Variants in CRPPA observed in about 807,000 individuals in gnomAD.
The protein encoded by CRPPA is CDP-L-ribitol pyrophosphorylase A, also known as D-ribitol-5-phosphate cytidylyltransferase.
Under a neutral mutation model 52.0 loss-of-function variants are expected in CRPPA, and 43 were observed. The observed-to-expected ratio is 0.83, with a 90% CI of 0.65 to 1.07. CRPPA has a LOEUF of 1.07. Ranked by LOEUF, CRPPA falls within the 50% of genes least tolerant of loss-of-function variation. CRPPA has a pLI of 0.00. For synonymous variants in CRPPA, 250 were observed against 203.5 expected, an observed-to-expected ratio of 1.23 and a Z score of -1.94; for missense variants, 629 against 551.7, an observed-to-expected ratio of 1.14 and a Z score of -1.40.
chr7:16,323,546 A>G (rs1409085177), intron 3 of CRPPA, among the ~76,000 whole-genome samples: 1 of 152,220 alleles, frequency 6.6e-6, no homozygotes, highest in Non-Finnish European at 1.5e-5. Context: ...AAGCAGAGCC[A>G]TCCTGCCAAG....
At chr7:16,143,490 G>T (rs988223752) in intron 9 of CRPPA, among the ~76,000 whole-genome samples, 1 of 152,156 alleles carries the variant, frequency 6.6e-6, no homozygotes, top group African/African-American at 2.4e-5. Context: ...CCTGGAATGA[G>T]GTACCAACAA....
intron 1 of CRPPA, among the ~76,000 whole-genome samples, chr7:16,418,449 A>G (rs929383833): frequency 6.6e-6 from 1 of 152,226 alleles, no homozygotes; most frequent in African/African-American, 2.4e-5. Context: ...TCACACTGCT[A>G]TAAAGAACTG....
intron 9 of CRPPA, among the ~76,000 whole-genome samples, chr7:16,202,279 A>G (rs1781877885): frequency 6.6e-6 from 1 of 152,168 alleles, no homozygotes; most frequent in Non-Finnish European, 1.5e-5. Flanking sequence ...AAAAACATAA[A>G]TAATTTAACC....
chr7:16,098,755 A>T (rs910459560), intron 9 of CRPPA, among the ~76,000 whole-genome samples: 4 of 152,194 alleles, frequency 2.6e-5, no homozygotes, highest in Non-Finnish European at 5.9e-5. Context: ...ATGGAAGAAA[A>T]AACCTAACGG....
intron 3 of CRPPA, among the ~76,000 whole-genome samples, chr7:16,361,146 C>A (rs973476777): frequency 6.6e-6 from 1 of 152,088 alleles, no homozygotes; most frequent in Non-Finnish European, 1.5e-5. Context: ...AAATGCAAAT[C>A]AAAACCACAA....
At chr7:16,279,674 C>T (rs999250905) in intron 5 of CRPPA, among the ~76,000 whole-genome samples, 2 of 152,116 alleles carry the variant, frequency 1.3e-5, no homozygotes, top group Non-Finnish European at 2.9e-5. Flanking sequence ...TAGGAGCTCA[C>T]TCTTGAAAGG....
At chr7:16,310,303 T>C (rs2128425107) in intron 3 of CRPPA, among the ~76,000 whole-genome samples, 1 of 151,978 alleles carries the variant, frequency 6.6e-6, no homozygotes, top group Admixed American at 6.5e-5. Context: ...CTAAGGACAC[T>C]TATCAGAGAT....
At chr7:16,316,728 G>A (rs561623507) in intron 3 of CRPPA, among the ~76,000 whole-genome samples, 2 of 152,096 alleles carry the variant, frequency 1.3e-5, no homozygotes, top group East Asian at 1.9e-4. Context: ...GTTGGGGTGC[G>A]TTCCTGTAGT....
chr7:16,154,741 A>G (rs923042413), intron 9 of CRPPA, among the ~76,000 whole-genome samples: 2 of 151,662 alleles, frequency 1.3e-5, no homozygotes, highest in East Asian at 3.9e-4. Flanking sequence ...TTTAAATACT[A>G]TTAATTTTAT....
At chr7:16,356,302 A>G (rs1786293113) in intron 3 of CRPPA, among the ~76,000 whole-genome samples, 1 of 152,174 alleles carries the variant, frequency 6.6e-6, no homozygotes, top group Admixed American at 6.5e-5. Flanking sequence ...GTAAAATACC[A>G]CAACTCAGAA....
chr7:16,396,373 C>G (rs1787568288), intron 2 of CRPPA, among the ~76,000 whole-genome samples: 1 of 152,084 alleles, frequency 6.6e-6, no homozygotes. Context: ...TATGGTAACA[C>G]CTTACTCCTG....
chr7:16,380,373 G>A (rs1243398819), intron 2 of CRPPA, among the ~76,000 whole-genome samples: 1 of 152,092 alleles, frequency 6.6e-6, no homozygotes, highest in Non-Finnish European at 1.5e-5. Context: ...TTTTTGATGT[G>A]CTGCTGGATT....
At chr7:16,405,068 G>A (rs1001992902) in intron 2 of CRPPA, among the ~76,000 whole-genome samples, 1 of 151,330 alleles carries the variant, frequency 6.6e-6, no homozygotes, top group African/African-American at 2.4e-5. Flanking sequence ...GGTTATTGAA[G>A]TTATAGACTG....
At chr7:16,326,061 C>A (rs376063382) in intron 3 of CRPPA, among the ~76,000 whole-genome samples, 239 of 135,414 alleles carry the variant, frequency 1.8e-3, no homozygotes, top group South Asian at 2.5e-3. Context: ...AAGAAAATCT[C>A]AAAAAAAAAA....
intron 9 of CRPPA, among the ~76,000 whole-genome samples, chr7:16,207,854 T>C (rs1377570254): frequency 6.6e-6 from 1 of 152,214 alleles, no homozygotes; most frequent in Non-Finnish European, 1.5e-5. Flanking sequence ...ATCAGATCAA[T>C]ATCAATGAAG....
intron 9 of CRPPA, among the ~76,000 whole-genome samples, chr7:16,172,644 T>C (rs1242260307): frequency 6.6e-6 from 1 of 152,202 alleles, no homozygotes; most frequent in African/African-American, 2.4e-5. Flanking sequence ...TGATCATAAA[T>C]ACTCAAACTG....
chr7:16,244,291 G>A (rs76053007), intron 8 of CRPPA, among the ~76,000 whole-genome samples: 15 of 152,082 alleles, frequency 9.9e-5, no homozygotes, highest in Non-Finnish European at 1.9e-4. Flanking sequence ...GAGACAAAAA[G>A]TTGATCTTCA....
chr7:16,408,011 G>A (rs1259076785), intron 1 of CRPPA, among the ~76,000 whole-genome samples: 1 of 151,788 alleles, frequency 6.6e-6, no homozygotes, highest in Non-Finnish European at 1.5e-5. Context: ...GAGAGGCTGA[G>A]GCAAGAGAAT....
At chr7:16,110,285 A>G (rs1236539377) in intron 9 of CRPPA, among the ~76,000 whole-genome samples, 2 of 152,116 alleles carry the variant, frequency 1.3e-5, no homozygotes, top group Admixed American at 1.3e-4. Flanking sequence ...CAACACTAAT[A>G]TATAGAAAGA....
Sources: gnomAD v4.1 joint callset for allele counts (sites outside exome capture counted in the v4.1 genomes callset) on GRCh38, gnomAD v4.1.1 for gene constraint, MANE v1.5 for transcripts, NCBI Gene and HGNC (gene_info 2026-07-23, HGNC 2026-07-21) for gene names.